NRG2: variants seen among roughly 807,000 people sequenced by gnomAD.
NRG2 encodes the protein neuregulin 2, also known as pro-neuregulin-2, membrane-bound isoform.
NRG2 carries 27 observed loss-of-function variants against 73.9 expected under a neutral mutation model. That is an observed-to-expected ratio of 0.37 (90% CI 0.27 to 0.50). The LOEUF is 0.50. NRG2 is among the 20% of genes least tolerant of loss of function. The pLI is 0.96. For synonymous variants in NRG2, 532 were observed against 541.0 expected, an observed-to-expected ratio of 0.98 and a Z score of 0.23; for missense variants, 1,126 against 1,210.1, an observed-to-expected ratio of 0.93 and a Z score of 1.03.
intron 1 of NRG2, among the ~76,000 whole-genome samples, chr5:140,026,517 C>T (rs1760700673): frequency 6.6e-6 from 1 of 152,070 alleles, no homozygotes; most frequent in Non-Finnish European, 1.5e-5. Flanking sequence ...GGGAGGATTG[C>T]TCAAGCCCAC....
intron 1 of NRG2, among the ~76,000 whole-genome samples, chr5:140,023,867 G>A (rs765111150): frequency 2.0e-5 from 3 of 152,136 alleles, no homozygotes; most frequent in South Asian, 4.2e-4. Flanking sequence ...CATATGGTTC[G>A]CCCAGCCCTG....
intron 1 of NRG2, among the ~76,000 whole-genome samples, chr5:139,994,654 C>T (rs765605533): frequency 6.6e-6 from 1 of 152,098 alleles, no homozygotes; most frequent in African/African-American, 2.4e-5. Context: ...TTCACTATCA[C>T]TTTTTTTAAT....
rs188936691 is a variant in NRG2, at chr5:139,854,406, C to T, written c.1292+1270G>A. On this transcript the variant is annotated intron_variant, in intron 6 of 9. Transcript: ENST00000361474. ...AAAGGTGTCCCGTGACACTGGACCACTTGTTCAGAGCACCGGCCGTATGCC... is the reference window on the plus strand; with the variant it reads ...AAAGGTGTCCCGTGACACTGGACCATTTGTTCAGAGCACCGGCCGTATGCC... 7.9e-3 allele frequency among the ~76,000 whole-genome samples: 1,202 copies of T among 152,396 alleles called. 9 individuals are homozygous for T. The highest frequency in any genetic ancestry group is 0.013 in the Non-Finnish European group (863 of 68,046).
At chr5:139,921,186 G>A (rs530810271) in intron 1 of NRG2, among the ~76,000 whole-genome samples, 19 of 152,284 alleles carry the variant, frequency 1.2e-4, no homozygotes, top group African/African-American at 3.4e-4. Context: ...TTGATCTATC[G>A]ATTCAATGCA....
chr5:139,859,479 C>G, intron 5 of NRG2, among the ~76,000 whole-genome samples: 1 of 152,226 alleles, frequency 6.6e-6, no homozygotes, highest in Non-Finnish European at 1.5e-5. Context: ...CTCTGCACAA[C>G]TCTCCAAACC....
chr5:139,898,389 C>T (rs1015235187), intron 1 of NRG2, among the ~76,000 whole-genome samples: 1 of 152,214 alleles, frequency 6.6e-6, no homozygotes, highest in Non-Finnish European at 1.5e-5. Context: ...CCCTATAGGG[C>T]CAAGTCCTTT....
Position 139,871,859 on chromosome 5 carries a change from A to G in NRG2, c.992-18T>C. The G allele has an allele frequency of 6.2e-7, 1 of 1,612,698 alleles. No homozygotes were observed. The highest frequency in any genetic ancestry group is 8.5e-7 in the Non-Finnish European group (1 of 1,179,086). On this transcript the variant is annotated intron_variant, in intron 3 of 9. Coordinates refer to ENST00000361474, the MANE Select transcript of NRG2 (RefSeq NM_004883.3). ...GGTGCTCACTGAGGGTATGAGAGAC[A>G]TGTGCCAGTGACGCACTGAGACTAT...
intron 1 of NRG2, among the ~76,000 whole-genome samples, chr5:139,938,333 T>G (rs1214181942): frequency 6.6e-6 from 1 of 151,908 alleles, no homozygotes; most frequent in South Asian, 2.1e-4. Context: ...AAGAAAAAGT[T>G]GGAGACCTTA....
At chr5:139,992,029 C>G (rs896942498) in intron 1 of NRG2, among the ~76,000 whole-genome samples, 1 of 152,018 alleles carries the variant, frequency 6.6e-6, no homozygotes, top group Admixed American at 6.6e-5. Context: ...TATTTTAAAT[C>G]CTTACCAGGT....
At chr5:139,883,301 A>C (rs982631252) in intron 2 of NRG2, among the ~76,000 whole-genome samples, 1 of 131,040 alleles carries the variant, frequency 7.6e-6, no homozygotes, top group African/African-American at 2.9e-5. Context: ...TGTGTCCTCC[A>C]CATTTTCCTC....
intron 1 of NRG2, among the ~76,000 whole-genome samples, chr5:139,938,652 C>G (rs1753032683): frequency 6.6e-6 from 1 of 152,000 alleles, no homozygotes. Context: ...CCACCATGTA[C>G]AGCCTCAAGA....
chr5:139,970,614 G>A (rs1037301657), intron 1 of NRG2, among the ~76,000 whole-genome samples: 2 of 152,176 alleles, frequency 1.3e-5, no homozygotes, highest in Non-Finnish European at 2.9e-5. Flanking sequence ...GCTATCCCCT[G>A]ATGAGCTTAT....
intron 1 of NRG2, among the ~76,000 whole-genome samples, chr5:139,997,038 AG>A (rs1434768112): frequency 6.6e-6 from 1 of 152,128 alleles, no homozygotes; most frequent in Non-Finnish European, 1.5e-5. Context: ...GCTACTCAGG[AG>A]GCTGAGGTGG....
chr5:139,891,686 A>T (rs1764220660), intron 1 of NRG2, among the ~76,000 whole-genome samples: 1 of 151,926 alleles, frequency 6.6e-6, no homozygotes, highest in South Asian at 2.1e-4. Flanking sequence ...TGATGAGTTC[A>T]TGGGGCCAAA....
At chr5:139,945,399 T>G (rs1343783973) in intron 1 of NRG2, among the ~76,000 whole-genome samples, 1 of 152,146 alleles carries the variant, frequency 6.6e-6, no homozygotes, top group Non-Finnish European at 1.5e-5. Context: ...AGGTCTTTAT[T>G]GAAAAGATGT....
At chr5:139,859,749 C>T (rs751551496) in intron 5 of NRG2, 22 of 830,388 alleles carry the variant, frequency 2.6e-5, no homozygotes, top group South Asian at 1.4e-4. Flanking sequence ...TAGGACATCT[C>T]GATGGGGCCA....
At chr5:139,987,834 G>A (rs1270394574) in intron 1 of NRG2, among the ~76,000 whole-genome samples, 1 of 145,756 alleles carries the variant, frequency 6.9e-6, no homozygotes, top group Admixed American at 6.9e-5. Context: ...GAGTGCAGTA[G>A]TGCGATCTCG....
At chr5:140,020,232 G>C (rs1760114378) in intron 1 of NRG2, among the ~76,000 whole-genome samples, 1 of 152,330 alleles carries the variant, frequency 6.6e-6, no homozygotes. Flanking sequence ...AGCAGCTCTG[G>C]ATTTGTAGTA....
In NRG2 at chr5:139,883,832, G is replaced by A. The variant is rs112934374; in HGVS notation, c.873-2858C>T. Among the ~76,000 whole-genome samples, 115 of 152,290 alleles carry A rather than the reference G, an allele frequency of 7.6e-4. 1 individual carries two copies. The highest frequency in any genetic ancestry group is 2.6e-3 in the African/African-American group (108 of 41,548). Reference sequence around the variant, plus strand: ...CCCAGGGGCAGAACAGGGAGAACAGGGAAGTTTCCAGATGCAGCAAATGGG... The same window carrying A: ...CCCAGGGGCAGAACAGGGAGAACAGAGAAGTTTCCAGATGCAGCAAATGGG... On this transcript the variant is annotated intron_variant, in intron 2 of 9. Coordinates refer to ENST00000361474, the MANE Select transcript of NRG2 (RefSeq NM_004883.3).
Sources: allele counts gnomAD v4.1 joint callset (sites outside exome capture counted in the v4.1 genomes callset), GRCh38; gene constraint gnomAD v4.1.1; transcripts MANE v1.5; gene names NCBI Gene and HGNC (gene_info 2026-07-23, HGNC 2026-07-21).